The following LNX1 variants were observed in gnomAD, a reference collection of about 807,000 sequenced individuals.
The protein encoded by LNX1 is E3 ubiquitin-protein ligase LNX.
LNX1 carries 54 observed loss-of-function variants against 68.4 expected under a neutral mutation model. That is an observed-to-expected ratio of 0.79 (90% CI 0.63 to 0.99). The LOEUF is 0.99. Among genes scored for constraint, LNX1 ranks in the 50% least tolerant of loss-of-function variants. The pLI is 0.00. For missense variants in LNX1, 906 were observed against 926.4 expected (o/e 0.98, Z 0.29); for synonymous variants, 336 against 350.0 (o/e 0.96, Z 0.45).
intron 9 of LNX1, among the ~76,000 whole-genome samples, chr4:53,463,195 G>T (rs1229879128): frequency 6.6e-6 from 1 of 152,004 alleles, no homozygotes; most frequent in African/African-American, 2.4e-5. Context: ...CTAGTTCAAA[G>T]CTTTGAACCC....
intron 1 of LNX1, among the ~76,000 whole-genome samples, chr4:53,589,920 T>G (rs563998608): frequency 9.2e-5 from 14 of 152,358 alleles, no homozygotes; most frequent in South Asian, 4.1e-4. Context: ...ATGAAATTAT[T>G]TATTTAATCA....
intron 1 of LNX1, among the ~76,000 whole-genome samples, chr4:53,637,172 T>C (rs992345385): frequency 6.6e-6 from 1 of 152,036 alleles, no homozygotes; most frequent in African/African-American, 2.4e-5. Context: ...ATCCCAATAA[T>C]TGGACCAAAA....
At position 53,512,739 on chromosome 4, in the gene LNX1, G is replaced by A. The variant is rs1161420790; in HGVS notation, c.381-4512C>T. 2.0e-5 allele frequency among the ~76,000 whole-genome samples: 3 copies of A among 152,086 alleles called. No homozygotes were observed. In the East Asian group the frequency reaches 5.8e-4, roughly 29 times the overall value. On this transcript the variant is annotated intron_variant, in intron 2 of 10. Transcript: ENST00000263925. The stretch of plus-strand genomic sequence containing the variant: ...TTCAGGCAGCGAGAATCAAGATTAG[G>A]GGACTCTGTAGGGAAGTAAGTCTCC...
Position 53,461,423 on chromosome 4 carries a change from CATT to C in LNX1, c.2051+9_2051+11del, listed in dbSNP as rs776316329. 70 of 1,587,698 alleles carry C rather than the reference CATT, an allele frequency of 4.4e-5. No individual in the cohort carries two copies. The highest frequency in any genetic ancestry group is 5.4e-5 in the Non-Finnish European group (63 of 1,163,244). The stretch of plus-strand genomic sequence containing the variant: ...TTTAATACAAGTATTTTTGATTAGT[CATT>C]ATTATTACCTAATTCTTCCATCATT... On this transcript the variant is annotated intron_variant, in intron 10 of 10. Transcript: ENST00000263925.
intron 2 of LNX1, among the ~76,000 whole-genome samples, chr4:53,599,534 C>T (rs1314165083): frequency 1.3e-5 from 2 of 152,210 alleles, no homozygotes; most frequent in Admixed American, 6.5e-5. Context: ...TTTTATTCCT[C>T]TACTTTCTTA....
At chr4:53,610,755 C>T (rs1733458100) in intron 2 of LNX1, among the ~76,000 whole-genome samples, 1 of 145,398 alleles carries the variant, frequency 6.9e-6, no homozygotes, top group Non-Finnish European at 1.5e-5. Context: ...AATCTTCATT[C>T]TAAGAAATTA....
chr4:53,515,952 T>G (rs1541967), intron 2 of LNX1, among the ~76,000 whole-genome samples: 43,872 of 152,118 alleles, frequency 0.29, 7,563 homozygotes, highest in East Asian at 0.48. Context: ...CCATGAGGTT[T>G]AAAGATTCGC....
intron 1 of LNX1, among the ~76,000 whole-genome samples, chr4:53,589,218 G>A (rs530178746): frequency 6.6e-6 from 1 of 152,310 alleles, no homozygotes; most frequent in East Asian, 1.9e-4. Context: ...CAGGATGAGA[G>A]CCTTAGAGTG....
intron 1 of LNX1, among the ~76,000 whole-genome samples, chr4:53,634,854 G>A (rs1734409166): frequency 1.3e-5 from 2 of 149,972 alleles, no homozygotes; most frequent in African/African-American, 4.9e-5. Context: ...ATTTTTTTAA[G>A]AGAGACAGGG....
intron 6 of LNX1, among the ~76,000 whole-genome samples, chr4:53,485,775 A>T (rs1173357763): frequency 1.3e-5 from 2 of 152,204 alleles, no homozygotes; most frequent in African/African-American, 4.8e-5. Flanking sequence ...TTCCACTAGT[A>T]TCAATGTGGT....
chr4:53,600,851 C>T lies in LNX1; in HGVS notation c.-214-9336G>A, dbSNP rs184468204. On this transcript the variant is annotated intron_variant, in intron 2 of 3. Coordinates refer to the LNX1 transcript ENST00000504299. ...GTTCAAGCGATTTTCCTGCCTCAGC[C>T]TCCTGAGTAGCTGGGATTACAGGTG... is the stretch of plus-strand genomic sequence containing the variant. 1.5e-3 allele frequency among the ~76,000 whole-genome samples: 231 copies of T among 151,096 alleles called. 1 individual carries two copies. The highest frequency in any genetic ancestry group is 5.4e-3 in the African/African-American group (224 of 41,288).
At position 53,598,301 on chromosome 4, in the gene LNX1, C is replaced by T. The variant is rs147540626; in HGVS notation, c.-214-6786G>A. Among the ~76,000 whole-genome samples, 245 of 151,504 alleles carry T rather than the reference C, an allele frequency of 1.6e-3. 1 individual carries two copies. The highest frequency in any genetic ancestry group is 3.1e-3 in the African/African-American group (127 of 41,230). ...AGGCTGGAGTGCAGTGGCACAATCA[C>T]GGTTTACTGTAGCCTTGACCTCCTT... On this transcript the variant is annotated intron_variant, in intron 2 of 3. Transcript: ENST00000504299.
At chr4:53,619,362 T>C (rs1577801480), upstream of LNX1, among the ~76,000 whole-genome samples, 1 of 152,326 alleles carries the variant, frequency 6.6e-6, no homozygotes, top group East Asian at 1.9e-4. Context: ...CATTCCCTTC[T>C]TTTCCCAGCC....
intron 6 of LNX1, among the ~76,000 whole-genome samples, chr4:53,490,850 C>G (rs1449222509): frequency 6.6e-6 from 1 of 152,148 alleles, no homozygotes; most frequent in Non-Finnish European, 1.5e-5. Context: ...AAACGGCATG[C>G]GATTGCTTAG....
At chr4:53,592,969 C>T (rs1732582340), upstream of LNX1, 1 of 152,214 alleles carries the variant, frequency 6.6e-6, no homozygotes, top group African/African-American at 2.4e-5. Context: ...GTCTAAGCTA[C>T]CTCTTTGCAC....
At chr4:53,604,830 C>G (rs1253859316) in intron 2 of LNX1, among the ~76,000 whole-genome samples, 4 of 152,118 alleles carry the variant, frequency 2.6e-5, no homozygotes, top group Non-Finnish European at 5.9e-5. Flanking sequence ...CACAGGCCAC[C>G]TTTCTCAAGA....
chr4:53,570,888 G>A (rs57334807), intron 2 of LNX1, among the ~76,000 whole-genome samples: 1,824 of 151,914 alleles, frequency 0.012, 29 homozygotes, highest in African/African-American at 0.04. Flanking sequence ...TTAGCTGTGC[G>A]TGGTGGTGGG....
intron 2 of LNX1, among the ~76,000 whole-genome samples, chr4:53,518,413 G>C (rs955487128): frequency 6.6e-6 from 1 of 152,166 alleles, no homozygotes; most frequent in Non-Finnish European, 1.5e-5. Context: ...CTTTAATGCC[G>C]ATGTTTTTCC....
At chr4:53,624,349 G>A (rs905519259) in intron 1 of LNX1, among the ~76,000 whole-genome samples, 2 of 152,122 alleles carry the variant, frequency 1.3e-5, no homozygotes, top group African/African-American at 4.8e-5. Context: ...TCTAGTGGTT[G>A]TGAAAAAGTC....
Sources: allele counts gnomAD v4.1 joint callset (sites outside exome capture counted in the v4.1 genomes callset), GRCh38; gene constraint gnomAD v4.1.1; transcripts MANE v1.5; gene names NCBI Gene and HGNC (gene_info 2026-07-23, HGNC 2026-07-21).